GRID1: variants seen among roughly 807,000 people sequenced by gnomAD.
GRID1 encodes the protein glutamate receptor ionotropic, delta-1.
A neutral mutation model predicts 98.0 loss-of-function variants in GRID1; 28 were observed. That is an observed-to-expected ratio of 0.29 (90% CI 0.21 to 0.39). GRID1 has a LOEUF of 0.39. GRID1 is among the 10% of genes least tolerant of loss of function. The pLI, the probability that GRID1 is intolerant of heterozygous loss-of-function variation, is 1.00. For synonymous variants in GRID1, 553 were observed against 538.5 expected, an observed-to-expected ratio of 1.03 and a Z score of -0.37; for missense variants, 1,111 against 1,340.5, an observed-to-expected ratio of 0.83 and a Z score of 2.67.
chr10:86,075,171 A>G (rs897999654), intron 4 of GRID1, among the ~76,000 whole-genome samples: 1 of 146,080 alleles, frequency 6.8e-6, no homozygotes, highest in Non-Finnish European at 1.5e-5. Context: ...GTATGAGTTG[A>G]ATTGTGTCCC....
intron 4 of GRID1, among the ~76,000 whole-genome samples, chr10:85,987,394 CTAG>C: frequency 7.3e-6 from 1 of 136,462 alleles, no homozygotes; most frequent in Non-Finnish European, 1.6e-5. Flanking sequence ...TACCTTCCCC[CTAG>C]CTATATCTTC....
intron 12 of GRID1, among the ~76,000 whole-genome samples, chr10:85,666,117 T>A (rs1236175962): frequency 1.3e-5 from 2 of 152,190 alleles, no homozygotes; most frequent in Non-Finnish European, 2.9e-5. Context: ...TCTGATATGG[T>A]CTGGAGGGAG....
chr10:85,630,938 G>T (rs147598311), intron 13 of GRID1, among the ~76,000 whole-genome samples: 3 of 152,282 alleles, frequency 2.0e-5, no homozygotes, highest in Non-Finnish European at 4.4e-5. Flanking sequence ...AAGCTCTAGG[G>T]TGTTGAATTG....
At chr10:86,165,937 G>C (rs2352579) in intron 3 of GRID1, among the ~76,000 whole-genome samples, 21,018 of 152,174 alleles carry the variant, frequency 0.14, 1,615 homozygotes, top group Middle Eastern at 0.23. Flanking sequence ...AATCGGAGGA[G>C]GCTCCGGTCA....
At chr10:86,340,980 G>C (rs919304612) in intron 2 of GRID1, among the ~76,000 whole-genome samples, 1 of 152,132 alleles carries the variant, frequency 6.6e-6, no homozygotes, top group African/African-American at 2.4e-5. Context: ...GGGCCTGTCT[G>C]TCCAGTCCCT....
intron 5 of GRID1, among the ~76,000 whole-genome samples, chr10:85,901,231 ATTTATTT>A (rs1841381568): frequency 1.8e-5 from 2 of 111,730 alleles, no homozygotes; most frequent in African/African-American, 6.2e-5. Flanking sequence ...ATTTTATTTT[ATTTATTT>A]ATTTATTTAT....
At chr10:86,075,071 C>T (rs1319142371) in intron 4 of GRID1, among the ~76,000 whole-genome samples, 2 of 149,534 alleles carry the variant, frequency 1.3e-5, no homozygotes, top group Non-Finnish European at 3.0e-5. Flanking sequence ...CAGTGAGAGG[C>T]CTGGGAGGAG....
intron 2 of GRID1, among the ~76,000 whole-genome samples, chr10:86,284,654 T>C (rs2607846): frequency 0.79 from 120,579 of 152,198 alleles, 49,674 homozygotes; most frequent in Non-Finnish European, 0.91. Flanking sequence ...AATGTGGGCC[T>C]GCCAGGCCAC....
At chr10:85,957,003 C>T (rs1190833248) in intron 4 of GRID1, among the ~76,000 whole-genome samples, 1 of 152,194 alleles carries the variant, frequency 6.6e-6, no homozygotes, top group Admixed American at 6.5e-5. Context: ...CAAACACATC[C>T]TTCTTCACAT....
At chr10:86,045,403 G>A (rs868043188) in intron 4 of GRID1, among the ~76,000 whole-genome samples, 5 of 152,140 alleles carry the variant, frequency 3.3e-5, no homozygotes, top group South Asian at 2.1e-4. Context: ...ACAATGTGTC[G>A]ATCAACAGAG....
At chr10:86,088,475 T>G (rs905564315) in intron 4 of GRID1, among the ~76,000 whole-genome samples, 8 of 152,234 alleles carry the variant, frequency 5.3e-5, no homozygotes, top group Admixed American at 1.3e-4. Context: ...ACTAATTTTG[T>G]ATCTCTCTGC....
At chr10:86,285,786 C>A (rs1318965266) in intron 2 of GRID1, among the ~76,000 whole-genome samples, 3 of 152,148 alleles carry the variant, frequency 2.0e-5, no homozygotes, top group Non-Finnish European at 4.4e-5. Context: ...TATGGTAAGT[C>A]CTTACTTAAC....
At chr10:86,323,471 T>G (rs1246586573) in intron 2 of GRID1, among the ~76,000 whole-genome samples, 1 of 152,222 alleles carries the variant, frequency 6.6e-6, no homozygotes, top group Non-Finnish European at 1.5e-5. Flanking sequence ...GCATAAACCT[T>G]AAATTCTCTA....
chr10:86,219,184 C>A (rs1253881818), intron 2 of GRID1, among the ~76,000 whole-genome samples: 1 of 152,248 alleles, frequency 6.6e-6, no homozygotes, highest in Non-Finnish European at 1.5e-5. Context: ...GACAGAAGCA[C>A]TGGCCTGAAG....
At chr10:86,315,939 C>T (rs947108476) in intron 2 of GRID1, among the ~76,000 whole-genome samples, 7 of 152,150 alleles carry the variant, frequency 4.6e-5, no homozygotes, top group Non-Finnish European at 7.4e-5. Context: ...TCCATCCATC[C>T]ATTTACCCAT....
intron 3 of GRID1, among the ~76,000 whole-genome samples, chr10:86,156,379 G>A (rs1024583612): frequency 6.6e-6 from 1 of 152,220 alleles, no homozygotes; most frequent in Non-Finnish European, 1.5e-5. Flanking sequence ...GGCCCAGCCT[G>A]TCAGAGCCCT....
intron 4 of GRID1, among the ~76,000 whole-genome samples, chr10:86,112,469 T>C (rs1387306023): frequency 6.6e-6 from 1 of 152,240 alleles, no homozygotes; most frequent in Non-Finnish European, 1.5e-5. Context: ...AAAACCTGTA[T>C]TGTTCCCTTC....
intron 12 of GRID1, among the ~76,000 whole-genome samples, chr10:85,673,674 C>A (rs909386664): frequency 6.6e-6 from 1 of 152,132 alleles, no homozygotes; most frequent in Non-Finnish European, 1.5e-5. Flanking sequence ...ATTTTTTAGA[C>A]ATAATGCTAT....
Position 86,253,274 on chromosome 10 carries a change from T to C in GRID1, c.236-46626A>G, listed in dbSNP as rs1200636969. On this transcript the variant is annotated intron_variant, in intron 2 of 15. Coordinates refer to ENST00000327946, the MANE Select transcript of GRID1 (RefSeq NM_017551.3). ...ATCCTGCATCTCTGCATCGGAGGCC[T>C]GCTCTTGGGAGAACTGTTTTCCCCA... Among the ~76,000 whole-genome samples the C allele has an allele frequency of 2.0e-5, 3 of 152,374 alleles. No homozygotes were observed. In the South Asian group the frequency reaches 6.2e-4, roughly 32 times the overall value.
Sources: gnomAD v4.1 joint callset for allele counts (sites outside exome capture counted in the v4.1 genomes callset) on GRCh38, gnomAD v4.1.1 for gene constraint, MANE v1.5 for transcripts, NCBI Gene and HGNC (gene_info 2026-07-23, HGNC 2026-07-21) for gene names.